MYO1E: variants seen among roughly 807,000 people sequenced by gnomAD.
The protein encoded by MYO1E is myosin IE.
In MYO1E, 68 loss-of-function variants were observed where a neutral mutation model predicts 151.1. The ratio of observed to expected loss-of-function variants is 0.45; its 90% CI spans 0.37 to 0.55. The LOEUF is 0.55. MYO1E is among the 20% of genes least tolerant of loss of function. The probability of loss-of-function intolerance (pLI) is 0.00; values close to 1 mark genes in which losing one functional copy is unlikely to be tolerated. For synonymous variants in MYO1E, 601 were observed against 501.7 expected (o/e 1.20, Z -2.64); for missense variants, 1,363 against 1,389.3 (o/e 0.98, Z 0.30).
Position 59,172,057 on chromosome 15 carries a change from G to C in MYO1E, c.2335-15C>G. 1.9e-6 allele frequency: 3 copies of C among 1,613,010 alleles called. No individual in the cohort carries two copies. The highest frequency in any genetic ancestry group is 2.5e-6 in the Non-Finnish European group (3 of 1,179,980). ...CGCTTTACACCCTGTAAGGAGAGGA[G>C]CTTTAAGAAGCTGGACAGGCCAGGC... On this transcript the variant is annotated splice_polypyrimidine_tract_variant and intron_variant, in intron 21 of 27. Coordinates refer to ENST00000288235, the MANE Select transcript of MYO1E (RefSeq NM_004998.4).
chr15:59,284,331 CAACTCAG>C (rs2140391948), intron 1 of MYO1E, among the ~76,000 whole-genome samples: 1 of 152,336 alleles, frequency 6.6e-6, no homozygotes, highest in Admixed American at 6.5e-5. Flanking sequence ...TATTTGCCCC[CAACTCAG>C]GAGATCAAAG....
rs938436607 is a variant in MYO1E, at chr15:59,135,223, G to A, written c.*2157C>T. 6.6e-6 allele frequency: 1 copy of A among 152,182 alleles called. No homozygotes were observed. Among genetic ancestry groups the A allele is most frequent in the Non-Finnish European group, 1.5e-5 (1 of 68,046 alleles). The allele number at this position is 152,182 out of a possible 1,614,324, so 9.4% of individuals were successfully genotyped here. On this transcript the variant is annotated 3_prime_UTR_variant, in exon 28 of 28. Coordinates refer to ENST00000288235, the MANE Select transcript of MYO1E (RefSeq NM_004998.4). ...ATTTCCATGGATGAGGGTGTTACTC[G>A]TGGGGGTTTAACTCAGTCCCTGTTT...
chr15:59,197,286 C>T (rs12906742), intron 16 of MYO1E, among the ~76,000 whole-genome samples: 68,584 of 152,016 alleles, frequency 0.45, 18,721 homozygotes, highest in Non-Finnish European at 0.63. Context: ...AGCCACTGTG[C>T]CCAGCCTACA....
At chr15:59,249,917 C>T (rs1430607391) in intron 4 of MYO1E, among the ~76,000 whole-genome samples, 7 of 152,174 alleles carry the variant, frequency 4.6e-5, no homozygotes, top group Non-Finnish European at 8.8e-5. Flanking sequence ...TGCCTTTCCT[C>T]CTCTCCAACA....
intron 18 of MYO1E, among the ~76,000 whole-genome samples, chr15:59,182,759 C>T (rs1209724925): frequency 6.6e-6 from 1 of 152,180 alleles, no homozygotes; most frequent in Non-Finnish European, 1.5e-5. Context: ...GCTGGCATGG[C>T]ACTCGAGACA....
chr15:59,188,161 C>A lies in MYO1E; in HGVS notation c.1861G>T (p.Ala621Ser), dbSNP rs1237126660. The A allele has an allele frequency of 1.9e-6, 3 of 1,614,072 alleles. No individual in the cohort carries two copies. The African/African-American group carries it at 4.0e-5, about 22-fold the overall frequency. Residue 621 changes from alanine to serine, a missense_variant, in exon 18 of 28, where the codon GCT becomes TCT. Coordinates refer to ENST00000288235, the MANE Select transcript of MYO1E (RefSeq NM_004998.4). ...GLKENIRVRR[A>S]GYAYRRIFQK... is the part of the protein sequence containing the mutation. ...AAGATGCGCCGATAGGCATAGCCAGCTCTTCTCACTCGAATGTTCTCTTTC... is the reference window on the plus strand; with the variant it reads ...AAGATGCGCCGATAGGCATAGCCAGATCTTCTCACTCGAATGTTCTCTTTC...
At chr15:59,324,663 G>GCCCCCCCC (rs10717159) in intron 1 of MYO1E, among the ~76,000 whole-genome samples, 4 of 147,990 alleles carry the variant, frequency 2.7e-5, no homozygotes, top group African/African-American at 1.0e-4. Context: ...CCCATCCCAA[G>GCCCCCCCC]CCCCCCCCCC....
At chr15:59,301,656 G>A (rs2080483142) in intron 1 of MYO1E, among the ~76,000 whole-genome samples, 1 of 152,174 alleles carries the variant, frequency 6.6e-6, no homozygotes, top group South Asian at 2.1e-4. Flanking sequence ...CTTTATTGTG[G>A]CTAAGTCCAT....
chr15:59,174,117 C>G lies in MYO1E; in HGVS notation c.2164+9G>C, dbSNP rs768349343. On this transcript the variant is annotated intron_variant, in intron 20 of 27. Transcript: ENST00000288235. Reference sequence around the variant, plus strand: ...TATTAAAATCAATGAAACAAAATTGCTAAAATACCTTCTTCTCTCATTTGA... The same window carrying G: ...TATTAAAATCAATGAAACAAAATTGGTAAAATACCTTCTTCTCTCATTTGA... The G allele has an allele frequency of 6.2e-7, 1 of 1,607,184 alleles. No individual in the cohort carries two copies. Among genetic ancestry groups the G allele is most frequent in the Admixed American group, 1.7e-5 (1 of 59,992 alleles).
At chr15:59,231,586 G>A (rs755652847) in intron 6 of MYO1E, 116 bp downstream of exon 6, 6 of 1,113,146 alleles carry the variant, frequency 5.4e-6, no homozygotes, top group Non-Finnish European at 8.2e-6. Flanking sequence ...AGATCGAAGA[G>A]GTGGCCTCCT....
intron 13 of MYO1E, 133 bp from the exon 14 acceptor site, chr15:59,208,981 C>T: frequency 9.1e-7 from 1 of 1,101,854 alleles, no homozygotes; most frequent in Non-Finnish European, 1.3e-6. Context: ...TATTCCCCTT[C>T]AGGCAAGAAT....
At chr15:59,204,988 T>G (rs973187834) in intron 15 of MYO1E, among the ~76,000 whole-genome samples, 4 of 152,124 alleles carry the variant, frequency 2.6e-5, no homozygotes, top group Admixed American at 6.5e-5. Context: ...TAGATGGCAC[T>G]TGGAATTTGG....
intron 21 of MYO1E, among the ~76,000 whole-genome samples, chr15:59,172,568 CTT>C: frequency 6.6e-6 from 1 of 152,272 alleles, no homozygotes; most frequent in Non-Finnish European, 1.5e-5. Flanking sequence ...ACATTTGACT[CTT>C]TTTGACTTAA....
At chr15:59,167,638 A>G (rs1206349950) in intron 22 of MYO1E, among the ~76,000 whole-genome samples, 1 of 152,202 alleles carries the variant, frequency 6.6e-6, no homozygotes, top group Non-Finnish European at 1.5e-5. Context: ...GTCTCCAATG[A>G]AGCCAGAAAT....
intron 27 of MYO1E, among the ~76,000 whole-genome samples, 178 bp downstream of exon 27, chr15:59,138,020 C>A (rs1174763183): frequency 6.6e-6 from 1 of 152,128 alleles, no homozygotes; most frequent in Admixed American, 6.5e-5. Context: ...GGGGGCAGAG[C>A]TGAAAGAAGC....
chr15:59,184,803 C>T (rs2082864239), intron 18 of MYO1E, among the ~76,000 whole-genome samples: 1 of 152,172 alleles, frequency 6.6e-6, no homozygotes, highest in South Asian at 2.1e-4. Context: ...GGCTCCATAC[C>T]TAGGAGTGGG....
chr15:59,318,121 T>C (rs2080600711), intron 1 of MYO1E, among the ~76,000 whole-genome samples: 1 of 152,196 alleles, frequency 6.6e-6, no homozygotes, highest in South Asian at 2.1e-4. Flanking sequence ...CATGAGTGCA[T>C]GTGGTCACCA....
intron 1 of MYO1E, among the ~76,000 whole-genome samples, chr15:59,356,879 G>C (rs1190636360): frequency 8.6e-6 from 1 of 116,698 alleles, no homozygotes; most frequent in East Asian, 2.8e-4. Context: ...CTCCTGTTAA[G>C]TTTTTTTTTT....
chr15:59,369,829 G>A (rs964270270), intron 1 of MYO1E, among the ~76,000 whole-genome samples: 4 of 151,980 alleles, frequency 2.6e-5, no homozygotes, highest in Non-Finnish European at 5.9e-5. Flanking sequence ...GTCTTAGTAG[G>A]GCCTCAGGTA....
Sources: allele counts gnomAD v4.1 joint callset (sites outside exome capture counted in the v4.1 genomes callset), GRCh38; gene constraint gnomAD v4.1.1; transcripts MANE v1.5; gene names NCBI Gene and HGNC (gene_info 2026-07-23, HGNC 2026-07-21).